PAFAH1B1: variants seen among roughly 807,000 people sequenced by gnomAD.
PAFAH1B1 encodes the protein platelet-activating factor acetylhydrolase IB subunit beta.
PAFAH1B1 carries 2 observed loss-of-function variants against 57.5 expected under a neutral mutation model. That is an observed-to-expected ratio of 0.03 (90% CI 0.01 to 0.11). PAFAH1B1 has a LOEUF of 0.11. Among genes scored for constraint, PAFAH1B1 ranks in the 10% least tolerant of loss-of-function variants. The probability of loss-of-function intolerance (pLI) is 1.00; values close to 1 mark genes in which losing one functional copy is unlikely to be tolerated. For missense variants in PAFAH1B1, 257 were observed against 512.0 expected, an observed-to-expected ratio of 0.50 and a Z score of 4.81; for synonymous variants, 152 against 169.6, an observed-to-expected ratio of 0.90 and a Z score of 0.81.
chr17:2,673,440 C>T (rs535049594), intron 7 of PAFAH1B1, among the ~76,000 whole-genome samples: 3 of 151,910 alleles, frequency 2.0e-5, no homozygotes, highest in Non-Finnish European at 4.4e-5. Flanking sequence ...GAGATCGAGA[C>T]CGTCCTGGCT....
At chr17:2,626,146 C>T (rs553713442) in intron 1 of PAFAH1B1, among the ~76,000 whole-genome samples, 8 of 151,778 alleles carry the variant, frequency 5.3e-5, no homozygotes, top group East Asian at 3.9e-4. Flanking sequence ...ACCAGCTACT[C>T]GGGAGGCTGA....
intron 1 of PAFAH1B1, among the ~76,000 whole-genome samples, chr17:2,635,798 C>T (rs1238540928): frequency 4.6e-5 from 7 of 151,730 alleles, no homozygotes; most frequent in Non-Finnish European, 7.4e-5. Flanking sequence ...TGCCCTACCT[C>T]GTTTTCACTC....
chr17:2,594,125 C>T, intron 1 of PAFAH1B1, 119 bp downstream of exon 1: 1 of 396,438 alleles, frequency 2.5e-6, no homozygotes, highest in Non-Finnish European at 4.4e-6. Flanking sequence ...CCCATTCTCC[C>T]CTCCCCCTGC....
intron 6 of PAFAH1B1, among the ~76,000 whole-genome samples, chr17:2,672,342 C>G (rs1202656779): frequency 7.0e-6 from 1 of 143,558 alleles, no homozygotes; most frequent in Non-Finnish European, 1.5e-5. Context: ...TGTAAACATT[C>G]AGACTCACTG....
At chr17:2,617,915 C>G (rs2068368041) in intron 1 of PAFAH1B1, among the ~76,000 whole-genome samples, 1 of 151,284 alleles carries the variant, frequency 6.6e-6, no homozygotes, top group African/African-American at 2.4e-5. Flanking sequence ...CAGAGCGAGA[C>G]TCAGTCCCGC....
intron 2 of PAFAH1B1, among the ~76,000 whole-genome samples, chr17:2,663,433 G>A (rs1406010460): frequency 6.6e-6 from 1 of 152,038 alleles, no homozygotes; most frequent in East Asian, 1.9e-4. Flanking sequence ...TGATAGGCAG[G>A]CTGGAATGCA....
intron 2 of PAFAH1B1, among the ~76,000 whole-genome samples, chr17:2,660,365 G>T (rs185722872): frequency 1.3e-5 from 2 of 152,056 alleles, no homozygotes; most frequent in East Asian, 1.9e-4. Context: ...AGCTCCACAC[G>T]CATTAGCTAT....
At chr17:2,594,699 G>A (rs969291607) in intron 1 of PAFAH1B1, among the ~76,000 whole-genome samples, 3 of 152,198 alleles carry the variant, frequency 2.0e-5, no homozygotes, top group East Asian at 3.9e-4. Flanking sequence ...AATCTGGCAG[G>A]ATTTTCTTTC....
chr17:2,673,857 A>C (rs1435440981), intron 7 of PAFAH1B1: 1 of 560,506 alleles, frequency 1.8e-6, no homozygotes, highest in African/African-American at 1.9e-5. Flanking sequence ...TATCTTCTAG[A>C]TGTTGATTTT....
chr17:2,643,576 C>G (rs529302178), intron 2 of PAFAH1B1, among the ~76,000 whole-genome samples: 3 of 151,122 alleles, frequency 2.0e-5, no homozygotes, highest in African/African-American at 7.3e-5. Flanking sequence ...TCTCTTCCCC[C>G]GGAGACAGAG....
At chr17:2,620,593 G>T (rs894544375) in intron 1 of PAFAH1B1, among the ~76,000 whole-genome samples, 1 of 152,126 alleles carries the variant, frequency 6.6e-6, no homozygotes, top group Non-Finnish European at 1.5e-5. Context: ...GCCGGGCGCC[G>T]TTGCTCATGC....
rs966326203 is a variant in PAFAH1B1 at position 2,652,409 on chromosome 17, C to T, written c.33-12963C>T. On this transcript the variant is annotated intron_variant, in intron 2 of 10. Transcript: ENST00000397195. ...CAGCCTGGGCGGCAGAGCGAGACTC[C>T]GTCTCAAACAAAACAAAACAAAAAC... 3.9e-5 allele frequency among the ~76,000 whole-genome samples: 6 copies of T among 152,286 alleles called. No homozygotes were observed. In the East Asian group the frequency reaches 5.8e-4, roughly 15 times the overall value.
At position 2,681,705 on chromosome 17, in the gene PAFAH1B1, A is replaced by T. The variant is rs752955476; in HGVS notation, c.1160-24A>T. On this transcript the variant is annotated intron_variant, in intron 10 of 10. Transcript: ENST00000397195. ...GTCCAGGCTTACGTGTGAGTTTTAA[A>T]TAAACCATTTCTTTTTCTTTCAGAT... is the stretch of plus-strand genomic sequence containing the variant. 62 of 1,595,692 alleles carry T rather than the reference A, an allele frequency of 3.9e-5. 2 individuals are homozygous for T. In the South Asian group the frequency reaches 6.5e-4, roughly 17 times the overall value.
intron 1 of PAFAH1B1, among the ~76,000 whole-genome samples, chr17:2,603,166 ATTTT>A (rs573145481): frequency 6.7e-6 from 1 of 149,116 alleles, no homozygotes; most frequent in African/African-American, 2.5e-5. Context: ...CAAAAGAATG[ATTTT>A]TTTTTTTGAG....
chr17:2,611,245 G>A (rs1049983192), intron 1 of PAFAH1B1, among the ~76,000 whole-genome samples: 59 of 152,120 alleles, frequency 3.9e-4, no homozygotes, highest in Admixed American at 3.8e-3. Flanking sequence ...TGAGGCAGGC[G>A]GATCATGAGG....
At chr17:2,615,660 T>G (rs2151618646) in intron 1 of PAFAH1B1, among the ~76,000 whole-genome samples, 1 of 152,122 alleles carries the variant, frequency 6.6e-6, no homozygotes, top group Middle Eastern at 3.4e-3. Flanking sequence ...AGGCTGGTCT[T>G]GAACTCCTGA....
Position 2,621,605 on chromosome 17 carries a change from GTCTTTTTTTT to G in PAFAH1B1, c.-190-16492_-190-16483del, listed in dbSNP as rs1480000880. On this transcript the variant is annotated intron_variant, in intron 1 of 10. Coordinates refer to ENST00000397195, the MANE Select transcript of PAFAH1B1 (RefSeq NM_000430.4). The stretch of plus-strand genomic sequence containing the variant: ...GCTATTCAAGCATGGTAGATAATCT[GTCTTTTTTTT>G]TTTTTTTTTTTTTTTTTTTTTTTTT... 1.5e-3 allele frequency among the ~76,000 whole-genome samples: 138 copies of G among 93,234 alleles called. 26 individuals are homozygous for G. The highest frequency in any genetic ancestry group is 6.1e-3 in the African/African-American group (131 of 21,338). The allele number at this position is 93,234 out of a possible 152,430, so 61.2% of individuals were successfully genotyped here.
intron 9 of PAFAH1B1, among the ~76,000 whole-genome samples, chr17:2,677,486 T>A (rs188236261): frequency 2.6e-5 from 4 of 152,338 alleles, no homozygotes; most frequent in African/African-American, 7.2e-5. Context: ...TAGGTGCTAA[T>A]GATACCTTGA....
At chr17:2,659,562 G>T (rs549290133) in intron 2 of PAFAH1B1, 1 of 182,902 alleles carries the variant, frequency 5.5e-6, no homozygotes, top group Non-Finnish European at 1.2e-5. Flanking sequence ...GCTGGGCGTG[G>T]TGGCTGATGA....
Sources: allele counts gnomAD v4.1 joint callset (sites outside exome capture counted in the v4.1 genomes callset), GRCh38; gene constraint gnomAD v4.1.1; transcripts MANE v1.5; gene names NCBI Gene and HGNC (gene_info 2026-07-23, HGNC 2026-07-21).